Variants in FNBP4 observed in about 807,000 individuals in gnomAD.
FNBP4 encodes formin binding protein 4.
In FNBP4, 34 loss-of-function variants were observed where a neutral mutation model predicts 119.3. The observed-to-expected ratio is 0.28, with a 90% CI of 0.22 to 0.38. The LOEUF is 0.38. Ranked by LOEUF, FNBP4 falls within the 10% of genes least tolerant of loss-of-function variation. The pLI is 1.00. For missense variants in FNBP4, 1,112 were observed against 1,228.9 expected (o/e 0.90, Z 1.42); for synonymous variants, 462 against 430.6 (o/e 1.07, Z -0.90).
In FNBP4 at chr11:47,767,252, G is replaced by A. The variant is rs745638210; in HGVS notation, c.37C>T (p.Pro13Ser). 1 of 1,563,424 alleles carries A rather than the reference G, an allele frequency of 6.4e-7. No individual in the cohort carries two copies. The change falls in exon 1 of 17, where the codon CCC becomes TCC. Residue 13 changes from proline (P) to serine (S), a missense_variant. Physicochemically the swap from Pro to Ser is moderately conservative, Grantham distance 74. Coordinates refer to ENST00000263773, the MANE Select transcript of FNBP4 (RefSeq NM_015308.5). ...CCCGGCGGAGAGAGTTGCAGGATGG[G>A]CCTACGGCCGGGTACCGCCCGGGAC... ...KKSRAVPGRRPILQLSPPGPR... is the reference protein window; with the variant it reads ...KKSRAVPGRRSILQLSPPGPR...
At chr11:47,741,557 C>T (rs1599206800) in intron 8 of FNBP4, among the ~76,000 whole-genome samples, 1 of 151,846 alleles carries the variant, frequency 6.6e-6, no homozygotes, top group Middle Eastern at 3.4e-3. Context: ...GTGGCTCACG[C>T]CTGTAATCCC....
At chr11:47,752,530 C>T (rs533894452) in intron 4 of FNBP4, among the ~76,000 whole-genome samples, 19 of 151,814 alleles carry the variant, frequency 1.3e-4, no homozygotes, top group East Asian at 2.0e-4. Flanking sequence ...GAATGCCAGC[C>T]GGGAGCGATG....
At chr11:47,720,159 C>G in intron 15 of FNBP4, 73 bp from the exon 16 acceptor site, 1 of 1,411,346 alleles carries the variant, frequency 7.1e-7, no homozygotes, top group Middle Eastern at 2.1e-4. Context: ...CAATGGAGGT[C>G]AGGATCCTTT....
chr11:47,732,895 A>G lies in FNBP4; in HGVS notation c.1687-225T>C, dbSNP rs946456047. On this transcript the variant is annotated intron_variant, in intron 10 of 16. Coordinates refer to ENST00000263773, the MANE Select transcript of FNBP4 (RefSeq NM_015308.5). The surrounding 1 kb of genome is among the most constrained non-coding windows in gnomAD (Gnocchi z 4.2). ...CACTTTGGGAGGCTGAGGCGGGTGG[A>G]TCACCTGAGGTCAGGAGTTCAAGAC... Among the ~76,000 whole-genome samples the G allele has an allele frequency of 2.0e-5, 3 of 152,222 alleles. No homozygotes were observed. The highest frequency in any genetic ancestry group is 4.4e-5 in the Non-Finnish European group (3 of 68,036).
chr11:47,724,925 C>T (rs1047988459), intron 12 of FNBP4, 147 bp from the exon 13 acceptor site: 1 of 1,202,466 alleles, frequency 8.3e-7, no homozygotes, highest in African/African-American at 1.5e-5. Flanking sequence ...TGTCAAACAG[C>T]AGGGAATGGC....
chr11:47,759,991 C>A (rs1843574519), intron 2 of FNBP4, among the ~76,000 whole-genome samples: 1 of 152,132 alleles, frequency 6.6e-6, no homozygotes, highest in Admixed American at 6.5e-5. Context: ...CTTCTAATGA[C>A]AATCATAGAT....
intron 2 of FNBP4, among the ~76,000 whole-genome samples, chr11:47,759,692 C>T (rs1018042500): frequency 6.6e-6 from 1 of 152,046 alleles, no homozygotes; most frequent in African/African-American, 2.4e-5. Flanking sequence ...GTGGCTCATG[C>T]CTGTAATCCC....
At chr11:47,756,938 C>CTATCATT in intron 2 of FNBP4, among the ~76,000 whole-genome samples, 1 of 152,272 alleles carries the variant, frequency 6.6e-6, no homozygotes, top group South Asian at 2.1e-4. Flanking sequence ...TTAATCCAGT[C>CTATCATT]TATCATTGAT....
chr11:47,744,012 T>C lies in FNBP4; in HGVS notation c.1397A>G (p.Glu466Gly), dbSNP rs781219808. Reference sequence around the variant, plus strand: ...TTTACTAGAACTCCTACTGGTAGATTCTGGACTGGTAGCTCGAACAAACAT... The same window carrying C: ...TTTACTAGAACTCCTACTGGTAGATCCTGGACTGGTAGCTCGAACAAACAT... ...WKMFVRATSPESTSRSSSKTG... is the reference protein window; with the variant it reads ...WKMFVRATSPGSTSRSSSKTG... Residue 466 changes from glutamate (E) to glycine (G), a missense_variant, in exon 8 of 17, where the codon GAA becomes GGA. Glu to Gly is a moderately conservative substitution (Grantham distance 98). Transcript: ENST00000263773. The C allele has an allele frequency of 8.7e-6, 14 of 1,614,082 alleles. No individual in the cohort carries two copies. Among genetic ancestry groups the C allele is most frequent in the Non-Finnish European group, 1.2e-5 (14 of 1,180,036 alleles).
In FNBP4 at chr11:47,754,639, A is replaced by G. The variant is rs764007975; in HGVS notation, c.339T>C (p.Tyr113=). 4 of 1,614,066 alleles carry G rather than the reference A, an allele frequency of 2.5e-6. No homozygotes were observed. In the African/African-American group the frequency reaches 4.0e-5, roughly 16 times the overall value. ...ATGGLCLLGA[Y]ADSDDDDNDV... ...CATTGTCATCGTCATCACTGTCAGC[A>G]TAAGCACCAAGCAAGCATAGACCGC... Residue 113 remains tyrosine (Y), a synonymous_variant, in exon 3 of 17, where the codon TAT becomes TAC. Transcript: ENST00000263773.
intron 2 of FNBP4, among the ~76,000 whole-genome samples, chr11:47,762,936 C>T (rs2097639104): frequency 7.2e-6 from 1 of 138,244 alleles, no homozygotes; most frequent in Non-Finnish European, 1.6e-5. Flanking sequence ...AAGAGTCTCT[C>T]TGCTGCCTAG....
intron 6 of FNBP4, among the ~76,000 whole-genome samples, chr11:47,747,965 G>A (rs1442903623): frequency 6.6e-6 from 1 of 151,348 alleles, no homozygotes; most frequent in African/African-American, 2.4e-5. Flanking sequence ...TAAAATAGCT[G>A]GGCGTGGTGG....
chr11:47,719,133 C>T (rs1347325521), intron 16 of FNBP4, among the ~76,000 whole-genome samples: 2 of 152,000 alleles, frequency 1.3e-5, no homozygotes, highest in Non-Finnish European at 2.9e-5. Context: ...CGTGATCCAC[C>T]CGCCTTGGCC....
chr11:47,737,787 C>T (rs1440740254), intron 8 of FNBP4, among the ~76,000 whole-genome samples: 2 of 151,772 alleles, frequency 1.3e-5, no homozygotes, highest in Non-Finnish European at 2.9e-5. Context: ...GCTCTTGTTG[C>T]CCAGGCTGGA....
At chr11:47,729,776 T>A (rs1381272534) in intron 12 of FNBP4, 1 of 985,342 alleles carries the variant, frequency 1.0e-6, no homozygotes, top group African/African-American at 1.7e-5. Flanking sequence ...ACTGAGCTGA[T>A]TAAGAGCTCT....
intron 10 of FNBP4, among the ~76,000 whole-genome samples, chr11:47,733,019 G>A (rs1191640749): frequency 6.6e-6 from 1 of 152,190 alleles, no homozygotes; most frequent in Non-Finnish European, 1.5e-5. Context: ...TCGAGAGGCT[G>A]AGGCAGGAGA....
chr11:47,746,620 T>C (rs1340473831), intron 6 of FNBP4, among the ~76,000 whole-genome samples: 2 of 152,054 alleles, frequency 1.3e-5, no homozygotes, highest in African/African-American at 2.4e-5. Flanking sequence ...GTTCAAGCTA[T>C]TCTCCTGTCT....
At chr11:47,730,253 G>A (rs1261018141) in intron 12 of FNBP4, 2 of 984,518 alleles carry the variant, frequency 2.0e-6, no homozygotes, top group African/African-American at 3.5e-5. Flanking sequence ...TACCAAAAGA[G>A]AGGAAAAATA....
Position 47,717,372 on chromosome 11 carries a change from A to G in FNBP4, c.*50T>C. The stretch of plus-strand genomic sequence containing the variant: ...ACAATAAAACTGGTTAAGACTTTGA[A>G]CTGAACACAAAACAAACAATAATAC... On this transcript the variant is annotated 3_prime_UTR_variant, in exon 17 of 17. Coordinates refer to ENST00000263773, the MANE Select transcript of FNBP4 (RefSeq NM_015308.5). 2 of 1,270,164 alleles carry G rather than the reference A, an allele frequency of 1.6e-6. No individual in the cohort carries two copies. The highest frequency in any genetic ancestry group is 2.3e-6 in the Non-Finnish European group (2 of 886,008). The allele number at this position is 1,270,164 out of a possible 1,614,324, so 78.7% of individuals were successfully genotyped here.
Sources: gnomAD v4.1 joint callset for allele counts (sites outside exome capture counted in the v4.1 genomes callset) on GRCh38, gnomAD v4.1.1 for gene constraint, Gnocchi (gnomAD v3.1) non-coding constraint, MANE v1.5 for transcripts, NCBI Gene and HGNC (gene_info 2026-07-23, HGNC 2026-07-21) for gene names.